Variants in OSBP2 observed in about 807,000 individuals in gnomAD.
The protein encoded by OSBP2 is oxysterol binding protein 2.
In OSBP2, 66 loss-of-function variants were observed where a neutral mutation model predicts 96.0. That is an observed-to-expected ratio of 0.69 (90% CI 0.56 to 0.84). OSBP2 has a LOEUF of 0.84. Among genes scored for constraint, OSBP2 ranks in the 40% least tolerant of loss-of-function variants. The pLI, the probability that OSBP2 is intolerant of heterozygous loss-of-function variation, is 0.00. For missense variants in OSBP2, 1,038 were observed against 1,222.7 expected, an observed-to-expected ratio of 0.85 and a Z score of 2.25; for synonymous variants, 525 against 520.9, an observed-to-expected ratio of 1.01 and a Z score of -0.11.
chr22:30,824,599 C>T (rs1035834648), intron 2 of OSBP2, among the ~76,000 whole-genome samples: 3 of 152,124 alleles, frequency 2.0e-5, no homozygotes, highest in Non-Finnish European at 4.4e-5. Context: ...CCCCTGACAT[C>T]GTTATGGGAA....
intron 3 of OSBP2, among the ~76,000 whole-genome samples, chr22:30,873,958 T>TG (rs1235590666): frequency 6.6e-6 from 1 of 152,086 alleles, no homozygotes; most frequent in Non-Finnish European, 1.5e-5. Context: ...TCAGGGTGGT[T>TG]GGGTGTGGTG....
intron 3 of OSBP2, among the ~76,000 whole-genome samples, chr22:30,882,847 G>C (rs1372737915): frequency 6.6e-6 from 1 of 152,190 alleles, no homozygotes; most frequent in African/African-American, 2.4e-5. Context: ...AACAGCAAAG[G>C]TAGGAGGTAG....
intron 2 of OSBP2, among the ~76,000 whole-genome samples, chr22:30,865,314 A>G (rs1200835139): frequency 2.6e-5 from 4 of 152,074 alleles, no homozygotes; most frequent in African/African-American, 4.8e-5. Context: ...CCGAGCCTCT[A>G]TGATTTGAAG....
At chr22:30,787,031 C>T (rs1276640787) in intron 2 of OSBP2, among the ~76,000 whole-genome samples, 1 of 152,080 alleles carries the variant, frequency 6.6e-6, no homozygotes, top group African/African-American at 2.4e-5. Context: ...ATCTCCTGAC[C>T]TGGTGATCCG....
intron 1 of OSBP2, among the ~76,000 whole-genome samples, chr22:30,737,150 G>A (rs1323243706): frequency 6.6e-6 from 1 of 151,914 alleles, no homozygotes; most frequent in Non-Finnish European, 1.5e-5. Context: ...TAAGTGGCTG[G>A]GATTACAGGC....
At chr22:30,862,141 C>A (rs1452691441) in intron 2 of OSBP2, among the ~76,000 whole-genome samples, 1 of 152,256 alleles carries the variant, frequency 6.6e-6, no homozygotes, top group African/African-American at 2.4e-5. Context: ...GCAGACTCTC[C>A]TTCTCCATTG....
chr22:30,817,194 A>G (rs1254045226), intron 2 of OSBP2, among the ~76,000 whole-genome samples: 1 of 152,246 alleles, frequency 6.6e-6, no homozygotes, highest in Non-Finnish European at 1.5e-5. Context: ...GGCAGTCAGC[A>G]TCTAAGAATG....
intron 3 of OSBP2, among the ~76,000 whole-genome samples, chr22:30,873,000 G>T (rs555905374): frequency 1.3e-3 from 193 of 152,262 alleles, no homozygotes; most frequent in African/African-American, 4.5e-3. Flanking sequence ...GTTGGACCAG[G>T]GCTCTGTAAC....
intron 2 of OSBP2, among the ~76,000 whole-genome samples, chr22:30,830,227 G>C (rs2038492696): frequency 6.6e-6 from 1 of 152,198 alleles, no homozygotes; most frequent in Non-Finnish European, 1.5e-5. Context: ...ATGGGCTTTG[G>C]GCTGCCAAAG....
chr22:30,860,508 G>A (rs772141460), intron 2 of OSBP2, among the ~76,000 whole-genome samples: 2 of 152,348 alleles, frequency 1.3e-5, no homozygotes, highest in Admixed American at 6.5e-5. Flanking sequence ...CTCACTTCGC[G>A]CCAGAGGAGG....
At chr22:30,861,088 G>A (rs573693113) in intron 2 of OSBP2, among the ~76,000 whole-genome samples, 14 of 152,310 alleles carry the variant, frequency 9.2e-5, no homozygotes, top group Admixed American at 2.6e-4. Context: ...AGGGAAGGAG[G>A]GGAGTTTCTT....
chr22:30,890,881 C>T lies in OSBP2; in HGVS notation c.1777C>T (p.His593Tyr). 1 of 1,613,704 alleles carries T rather than the reference C, an allele frequency of 6.2e-7. No individual in the cohort carries two copies. The highest frequency in any genetic ancestry group is 2.2e-5 in the East Asian group (1 of 44,882). The change falls in exon 8 of 14, where the codon CAC becomes TAC. Residue 593 changes from histidine to tyrosine, a missense_variant. Coordinates refer to ENST00000332585, the MANE Select transcript of OSBP2 (RefSeq NM_030758.4). This position sits in a 1 kb window ranked among gnomAD's most constrained non-coding sequence, Gnocchi z 4.4. ...TGTGTCCTCCTACTCCACCACAGTGCACCGCATCGCCAAGCCCTTCAACCC... is the reference window on the plus strand; with the variant it reads ...TGTGTCCTCCTACTCCACCACAGTGTACCGCATCGCCAAGCCCTTCAACCC... ...FSVSSYSTTV[H>Y]RIAKPFNPML...
chr22:30,788,224 G>A (rs2090622481), intron 2 of OSBP2, among the ~76,000 whole-genome samples: 1 of 152,156 alleles, frequency 6.6e-6, no homozygotes, highest in Non-Finnish European at 1.5e-5. Flanking sequence ...CAGCTGCAAA[G>A]CGTCTTCTCC....
chr22:30,695,216 G>C lies in OSBP2; in HGVS notation c.307G>C (p.Gly103Arg). The change falls in exon 1 of 14, where the codon GGG (glycine) becomes CGG (arginine). Residue 103 changes from glycine (G) to arginine (R), a missense_variant. Coordinates refer to ENST00000332585, the MANE Select transcript of OSBP2 (RefSeq NM_030758.4). The stretch of plus-strand genomic sequence containing the variant: ...TGGGCAGCCATCGGAACTGCTGCAG[G>C]GGTCGCGGCCGGGGTCAGAGTCAAG... ...GAGQPSELLQGSRPGSESSSG... is the reference protein window; with the variant it reads ...GAGQPSELLQRSRPGSESSSG... 6.2e-7 allele frequency: 1 copy of C among 1,613,248 alleles called. No homozygotes were observed. The highest frequency in any genetic ancestry group is 8.5e-7 in the Non-Finnish European group (1 of 1,179,654).
chr22:30,851,955 A>C (rs946960036), intron 2 of OSBP2, among the ~76,000 whole-genome samples: 5 of 152,096 alleles, frequency 3.3e-5, no homozygotes, highest in East Asian at 3.8e-4. Flanking sequence ...TTGAATTTAC[A>C]TTTTTCTTGA....
In OSBP2 at chr22:30,765,191, C is replaced by A. The variant is rs116371322; in HGVS notation, c.853+23822C>A. ...TACAGGTGTGAGACACCCGGCCCTC[C>A]CCCATTTTTATTTTTTATTTTTATT... On this transcript the variant is annotated intron_variant, in intron 2 of 13. Coordinates refer to ENST00000332585, the MANE Select transcript of OSBP2 (RefSeq NM_030758.4). Among the ~76,000 whole-genome samples, 917 of 152,018 alleles carry A rather than the reference C, an allele frequency of 6.0e-3. 8 individuals carry two copies. The highest frequency in any genetic ancestry group is 0.021 in the African/African-American group (866 of 41,474).
intron 1 of OSBP2, among the ~76,000 whole-genome samples, chr22:30,695,939 G>A (rs2089023436): frequency 6.6e-6 from 1 of 152,112 alleles, no homozygotes; most frequent in Non-Finnish European, 1.5e-5. Context: ...GTTTGGGATT[G>A]AGGGAGAGAG....
At chr22:30,893,601 C>G in intron 10 of OSBP2, 35 bp downstream of exon 10, 1 of 1,612,902 alleles carries the variant, frequency 6.2e-7, no homozygotes, top group South Asian at 1.1e-5. Context: ...GTGCATGGCC[C>G]GGGGGCTGGC....
At chr22:30,837,629 A>G (rs1434293733) in intron 2 of OSBP2, among the ~76,000 whole-genome samples, 2 of 151,560 alleles carry the variant, frequency 1.3e-5, no homozygotes, top group Non-Finnish European at 2.9e-5. Flanking sequence ...TCACCCTGCA[A>G]CTCCCTGAGC....
Sources: allele counts gnomAD v4.1 joint callset (sites outside exome capture counted in the v4.1 genomes callset), GRCh38; gene constraint gnomAD v4.1.1; non-coding constraint Gnocchi (gnomAD v3.1); transcripts MANE v1.5; gene names NCBI Gene and HGNC (gene_info 2026-07-23, HGNC 2026-07-21).